NFIA: variants seen among roughly 807,000 people sequenced by gnomAD.
NFIA encodes the protein nuclear factor 1 A-type.
In NFIA, 8 loss-of-function variants were observed where a neutral mutation model predicts 62.8. That is an observed-to-expected ratio of 0.13 (90% CI 0.07 to 0.23). The LOEUF (loss-of-function observed/expected upper bound fraction) is 0.23. Among genes scored for constraint, NFIA ranks in the 10% least tolerant of loss-of-function variants. The pLI, the probability that NFIA is intolerant of heterozygous loss-of-function variation, is 1.00. For missense variants in NFIA, 410 were observed against 642.1 expected (o/e 0.64, Z 3.91); for synonymous variants, 235 against 238.1 (o/e 0.99, Z 0.12).
chr1:61,156,977 G>A (rs1648861370), intron 2 of NFIA, among the ~76,000 whole-genome samples: 1 of 152,164 alleles, frequency 6.6e-6, no homozygotes, highest in African/African-American at 2.4e-5. Context: ...CTCCAACTGT[G>A]GGGTATTCAT....
At chr1:61,449,469 C>T (rs1318053250) in intron 10 of NFIA, among the ~76,000 whole-genome samples, 1 of 152,194 alleles carries the variant, frequency 6.6e-6, no homozygotes, top group African/African-American at 2.4e-5. Context: ...AGAGGAGAAT[C>T]CTGAGGGTAA....
intron 2 of NFIA, among the ~76,000 whole-genome samples, chr1:61,217,755 T>C (rs1341127057): frequency 6.6e-6 from 1 of 152,200 alleles, no homozygotes; most frequent in Non-Finnish European, 1.5e-5. Flanking sequence ...ATAAACCTCA[T>C]TTCAGTGGTT....
chr1:61,081,971 T>C (rs1646101483), upstream of NFIA: 16 of 1,550,544 alleles, frequency 1.0e-5, no homozygotes, highest in Non-Finnish European at 1.4e-5. Flanking sequence ...GGCCTCCTCC[T>C]CGGTTCTCTA....
chr1:61,097,651 T>G (rs1294121643), intron 2 of NFIA, among the ~76,000 whole-genome samples: 2 of 152,208 alleles, frequency 1.3e-5, no homozygotes, highest in Non-Finnish European at 1.5e-5. Context: ...AATTTTCAAA[T>G]TTACAGACAT....
intron 6 of NFIA, among the ~76,000 whole-genome samples, chr1:61,362,573 A>G (rs1663356239): frequency 1.3e-5 from 2 of 152,236 alleles, no homozygotes; most frequent in African/African-American, 4.8e-5. Flanking sequence ...CAAACCAGAC[A>G]TGCAGTAAAT....
intron 3 of NFIA, among the ~76,000 whole-genome samples, chr1:61,294,764 G>A (rs1570530989): frequency 6.6e-6 from 1 of 152,192 alleles, no homozygotes; most frequent in African/African-American, 2.4e-5. Context: ...CTTATGCTTC[G>A]CTATATCCCT....
chr1:61,270,149 G>C lies in NFIA; in HGVS notation c.560-7371G>C, dbSNP rs542486009. ...TTCACAAAGAAACGAAAAACTTGTTGGGATGTGAAGATCTGTAGGGCAGAG... is the reference window on the plus strand; with the variant it reads ...TTCACAAAGAAACGAAAAACTTGTTCGGATGTGAAGATCTGTAGGGCAGAG... On this transcript the variant is annotated intron_variant, in intron 2 of 10. Transcript: ENST00000403491. Among the ~76,000 whole-genome samples, 73 of 152,318 alleles carry C rather than the reference G, an allele frequency of 4.8e-4. 1 individual carries two copies. Among genetic ancestry groups the C allele is most frequent in the Middle Eastern group, 3.4e-3 (1 of 294 alleles).
chr1:61,261,457 TAAC>T (rs1196212774), intron 2 of NFIA, among the ~76,000 whole-genome samples: 1 of 152,236 alleles, frequency 6.6e-6, no homozygotes, highest in East Asian at 1.9e-4. Flanking sequence ...AACTGCAGGA[TAAC>T]GTTAAGTGTT....
chr1:61,298,237 C>T (rs764569821), intron 3 of NFIA, among the ~76,000 whole-genome samples: 12 of 152,140 alleles, frequency 7.9e-5, no homozygotes, highest in Non-Finnish European at 1.3e-4. Flanking sequence ...TGCTCACACA[C>T]GCTCTCTCTT....
At chr1:61,233,923 A>G in intron 2 of NFIA, among the ~76,000 whole-genome samples, 1 of 152,264 alleles carries the variant, frequency 6.6e-6, no homozygotes, top group East Asian at 1.9e-4. Context: ...TGCTTGGCAT[A>G]ATTTATGATT....
In NFIA at chr1:61,308,664, G is replaced by A. The variant is rs1488781499; in HGVS notation, c.626-23848G>A. On this transcript the variant is annotated intron_variant, in intron 3 of 10. Coordinates refer to ENST00000403491, the MANE Select transcript of NFIA (RefSeq NM_001134673.4). Reference sequence around the variant, plus strand: ...ATCCTGGCTTTGTCCTTTTCTAGTAGTGTGACCTCAAGCAAATCATTTAAA... The same window carrying A: ...ATCCTGGCTTTGTCCTTTTCTAGTAATGTGACCTCAAGCAAATCATTTAAA... Among the ~76,000 whole-genome samples, 3 of 152,164 alleles carry A rather than the reference G, an allele frequency of 2.0e-5. No homozygotes were observed. In the East Asian group the frequency reaches 5.8e-4, roughly 29 times the overall value.
At chr1:61,239,929 T>C (rs1655239586) in intron 2 of NFIA, among the ~76,000 whole-genome samples, 1 of 152,076 alleles carries the variant, frequency 6.6e-6, no homozygotes, top group African/African-American at 2.4e-5. Flanking sequence ...GCTATAATTA[T>C]GGTAAGTGAA....
rs557326284 is a variant in NFIA at position 61,343,116 on chromosome 1, G to A, written c.701-9334G>A. ...GCATATGTAATATATGAAGCACCCT[G>A]CACTGTGTACTGAGGAGAATACAAA... On this transcript the variant is annotated intron_variant, in intron 4 of 10. Transcript: ENST00000403491. Among the ~76,000 whole-genome samples the A allele has an allele frequency of 2.6e-5, 4 of 152,294 alleles. No individual in the cohort carries two copies. The East Asian group carries it at 7.7e-4, about 29-fold the overall frequency.
chr1:61,390,218 G>T (rs1236238617), intron 7 of NFIA, among the ~76,000 whole-genome samples: 5 of 152,092 alleles, frequency 3.3e-5, no homozygotes, highest in Admixed American at 6.5e-5. Flanking sequence ...TCGCATTATG[G>T]GCATGGAAAA....
At chr1:61,410,179 G>A (rs1346088806) in intron 9 of NFIA, among the ~76,000 whole-genome samples, 2 of 152,122 alleles carry the variant, frequency 1.3e-5, no homozygotes, top group Non-Finnish European at 2.9e-5. Flanking sequence ...GAAGACATGG[G>A]AGGGAGTTTG....
At chr1:61,422,563 T>C (rs1666674280) in intron 9 of NFIA, among the ~76,000 whole-genome samples, 3 of 152,080 alleles carry the variant, frequency 2.0e-5, no homozygotes, top group Non-Finnish European at 4.4e-5. Flanking sequence ...TTTGTTTGGC[T>C]AGCAGTCAGT....
intron 2 of NFIA, among the ~76,000 whole-genome samples, chr1:61,133,983 G>A (rs756844732): frequency 2.0e-5 from 3 of 151,920 alleles, no homozygotes; most frequent in African/African-American, 4.8e-5. Context: ...AAAATTAGCC[G>A]GGCGTGGTGG....
At chr1:61,205,740 A>G (rs1052810591) in intron 2 of NFIA, among the ~76,000 whole-genome samples, 1 of 152,036 alleles carries the variant, frequency 6.6e-6, no homozygotes, top group African/African-American at 2.4e-5. Flanking sequence ...AGGACCAGAG[A>G]GGTTTGTTGA....
intron 2 of NFIA, among the ~76,000 whole-genome samples, chr1:61,120,407 G>T (rs1312477715): frequency 6.6e-6 from 1 of 152,168 alleles, no homozygotes; most frequent in East Asian, 1.9e-4. Context: ...CAGATTTAAG[G>T]ATTGTTTGGA....
Sources: gnomAD v4.1 joint callset for allele counts (sites outside exome capture counted in the v4.1 genomes callset) on GRCh38, gnomAD v4.1.1 for gene constraint, MANE v1.5 for transcripts, NCBI Gene and HGNC (gene_info 2026-07-23, HGNC 2026-07-21) for gene names.